MYLK4: variants seen among roughly 807,000 people sequenced by gnomAD.
MYLK4 encodes myosin light chain kinase family member 4.
In MYLK4, 46 loss-of-function variants were observed where a neutral mutation model predicts 48.1. The observed-to-expected ratio is 0.96, with a 90% CI of 0.75 to 1.22. The LOEUF is 1.22. Among genes scored for constraint, MYLK4 ranks in the 50% most tolerant of loss-of-function variants. The pLI, the probability that MYLK4 is intolerant of heterozygous loss-of-function variation, is 0.00. For synonymous variants in MYLK4, 170 were observed against 180.8 expected (o/e 0.94, Z 0.48); for missense variants, 451 against 486.1 (o/e 0.93, Z 0.68).
At chr6:2,678,999 GC>G (rs1277688860) in intron 9 of MYLK4, among the ~76,000 whole-genome samples, 1 of 152,140 alleles carries the variant, frequency 6.6e-6, no homozygotes. Context: ...ACCGCGCCAG[GC>G]CATGTGAGCT....
chr6:2,743,947 G>A (rs1763980891), intron 2 of MYLK4: 1 of 398,576 alleles, frequency 2.5e-6, no homozygotes, highest in Non-Finnish European at 4.4e-6. Context: ...GGGTCATCAC[G>A]AACCGGATCA....
intron 2 of MYLK4, among the ~76,000 whole-genome samples, chr6:2,722,217 T>G (rs1261183347): frequency 1.3e-5 from 2 of 152,168 alleles, no homozygotes; most frequent in Non-Finnish European, 2.9e-5. Flanking sequence ...GATAGAATAT[T>G]TAATAAATCT....
At chr6:2,700,641 C>T (rs534320429) in intron 2 of MYLK4, among the ~76,000 whole-genome samples, 1 of 152,120 alleles carries the variant, frequency 6.6e-6, no homozygotes, top group African/African-American at 2.4e-5. Context: ...CCAAGGTAAA[C>T]GGCCCTGAGA....
Position 2,665,764 on chromosome 6 carries a change from C to T in MYLK4, c.*2161G>A, listed in dbSNP as rs2113057882. ...GCCACGAGGGGCTTCAAATCAGACCCCTGTGTCCTGTTTAGCATTTGAGTG... is the reference window on the plus strand; with the variant it reads ...GCCACGAGGGGCTTCAAATCAGACCTCTGTGTCCTGTTTAGCATTTGAGTG... On this transcript the variant is annotated 3_prime_UTR_variant, in exon 13 of 13. Transcript: ENST00000274643. 6.6e-6 allele frequency: 1 copy of T among 152,300 alleles called. No homozygotes were observed. Among genetic ancestry groups the T allele is most frequent in the African/African-American group, 2.4e-5 (1 of 41,564 alleles). The allele number at this position is 152,300 out of a possible 1,614,324, so 9.4% of individuals were successfully genotyped here.
At position 2,679,455 on chromosome 6, in the gene MYLK4, A is replaced by G. The variant is rs775278440; in HGVS notation, c.759-47T>C. ...GGAAGGATGGACGTGTCGATCAAAA[A>G]TCGTGAACACTGAAATGATGTAGTC... is the stretch of plus-strand genomic sequence containing the variant. On this transcript the variant is annotated intron_variant, in intron 8 of 12. Transcript: ENST00000274643. 3 of 1,610,622 alleles carry G rather than the reference A, an allele frequency of 1.9e-6. No homozygotes were observed. The Admixed American group carries it at 5.0e-5, about 27-fold the overall frequency.
At chr6:2,699,282 CTTTTCTTTT>C (rs1430587431) in intron 2 of MYLK4, among the ~76,000 whole-genome samples, 1 of 63,584 alleles carries the variant, frequency 1.6e-5, no homozygotes, top group African/African-American at 6.1e-5. Flanking sequence ...CTTTTCTTTT[CTTTTCTTTT>C]TTTTTTTTTT....
At chr6:2,756,607 A>ATATTTC in the MYLK4 span, among the ~76,000 whole-genome samples, 1 of 152,328 alleles carries the variant, frequency 6.6e-6, no homozygotes, top group African/African-American at 2.4e-5. Context: ...TCATACTGAT[A>ATATTTC]TATTTCTATT....
At chr6:2,719,911 G>A (rs1763006547) in intron 2 of MYLK4, among the ~76,000 whole-genome samples, 1 of 152,188 alleles carries the variant, frequency 6.6e-6, no homozygotes, top group South Asian at 2.1e-4. Context: ...GCTGAGGCGG[G>A]TGGATCACCT....
rs567490785 is a variant in MYLK4 at position 2,710,534 on chromosome 6, C to T, written c.160-17675G>A. Reference sequence around the variant, plus strand: ...ATCATGATTGCTTAAACAACTACCTCCTTTCTGTTGACCAGCTCTGCTTCC... The same window carrying T: ...ATCATGATTGCTTAAACAACTACCTTCTTTCTGTTGACCAGCTCTGCTTCC... On this transcript the variant is annotated intron_variant, in intron 2 of 12. Coordinates refer to ENST00000274643, the MANE Select transcript of MYLK4 (RefSeq NM_001012418.5). Among the ~76,000 whole-genome samples the T allele has an allele frequency of 4.6e-5, 7 of 152,318 alleles. No homozygotes were observed. The South Asian group carries it at 1.0e-3, about 23-fold the overall frequency.
the MYLK4 span, chr6:2,765,747 TC>T: frequency 6.6e-7 from 1 of 1,506,084 alleles, no homozygotes; most frequent in Non-Finnish European, 8.8e-7. Context: ...TGTCTGCTGC[TC>T]CACCCGGCGG....
chr6:2,717,001 G>C (rs1224878601), intron 2 of MYLK4, among the ~76,000 whole-genome samples: 1 of 152,198 alleles, frequency 6.6e-6, no homozygotes, highest in Non-Finnish European at 1.5e-5. Context: ...TGCTGCTTGA[G>C]CTAGGCCTTA....
intron 2 of MYLK4, among the ~76,000 whole-genome samples, chr6:2,702,715 T>C: frequency 6.6e-6 from 1 of 152,196 alleles, no homozygotes; most frequent in Non-Finnish European, 1.5e-5. Flanking sequence ...TGATTGACCC[T>C]TTCTACAATG....
chr6:2,725,903 C>T (rs555501270), intron 2 of MYLK4, among the ~76,000 whole-genome samples: 61 of 152,290 alleles, frequency 4.0e-4, no homozygotes, highest in African/African-American at 1.4e-3. Context: ...ACCTGATAAC[C>T]GATCATCCAG....
intron 4 of MYLK4, among the ~76,000 whole-genome samples, chr6:2,687,166 A>T (rs1289466509): frequency 6.6e-6 from 1 of 152,202 alleles, no homozygotes; most frequent in Non-Finnish European, 1.5e-5. Flanking sequence ...GGTTTTTGGG[A>T]TCCAGTGGTC....
chr6:2,718,793 A>C (rs752070817), intron 2 of MYLK4, among the ~76,000 whole-genome samples: 6 of 152,262 alleles, frequency 3.9e-5, no homozygotes, highest in African/African-American at 7.2e-5. Flanking sequence ...GTAAGAATCA[A>C]ATTTATTCAA....
intron 2 of MYLK4, among the ~76,000 whole-genome samples, chr6:2,698,596 A>G (rs898493534): frequency 2.0e-5 from 3 of 152,232 alleles, no homozygotes; most frequent in Non-Finnish European, 4.4e-5. Context: ...AGAAATATCT[A>G]AACAAAAGTA....
At chr6:2,677,102 G>A (rs1296570724) in intron 10 of MYLK4, among the ~76,000 whole-genome samples, 2 of 152,004 alleles carry the variant, frequency 1.3e-5, no homozygotes, top group Non-Finnish European at 2.9e-5. Flanking sequence ...CCCTAGCCTG[G>A]CTAGGTTCTC....
chr6:2,734,998 G>A (rs1427557673), intron 2 of MYLK4, among the ~76,000 whole-genome samples: 1 of 152,208 alleles, frequency 6.6e-6, no homozygotes, highest in African/African-American at 2.4e-5. Flanking sequence ...TTGTGATGAT[G>A]TTTGCATCAC....
Position 2,749,331 on chromosome 6 carries a change from G to A in MYLK4, c.-37C>T, listed in dbSNP as rs763935636. 1.9e-6 allele frequency: 3 copies of A among 1,574,374 alleles called. No homozygotes were observed. The highest frequency in any genetic ancestry group is 1.1e-5 in the South Asian group (1 of 88,318). ...GTCCGATTAAGCTACTTTCTGGAGT[G>A]TGGTTTTCGTCTCCCTCTGTCTCCG... On this transcript the variant is annotated 5_prime_UTR_variant, in exon 2 of 13. Transcript: ENST00000274643.
Sources: allele counts gnomAD v4.1 joint callset (sites outside exome capture counted in the v4.1 genomes callset), GRCh38; gene constraint gnomAD v4.1.1; transcripts MANE v1.5; gene names NCBI Gene and HGNC (gene_info 2026-07-23, HGNC 2026-07-21).